Variants in NBEA observed in about 807,000 individuals in gnomAD.
The protein encoded by NBEA is lysosomal-trafficking regulator 2.
A neutral mutation model predicts 343.4 loss-of-function variants in NBEA; 44 were observed. The observed-to-expected ratio is 0.13, with a 90% CI of 0.10 to 0.16. The LOEUF (loss-of-function observed/expected upper bound fraction) is 0.16. Ranked by LOEUF, NBEA falls within the 10% of genes least tolerant of loss-of-function variation. The pLI is 1.00. For synonymous variants in NBEA, 1,175 were observed against 1,238.7 expected (o/e 0.95, Z 1.08); for missense variants, 2,555 against 3,631.3 (o/e 0.70, Z 7.62).
intron 34 of NBEA, among the ~76,000 whole-genome samples, chr13:35,268,328 T>G (rs967084919): frequency 2.6e-5 from 4 of 151,876 alleles, no homozygotes; most frequent in African/African-American, 9.7e-5. Flanking sequence ...GAAAATAGAA[T>G]GGTGGTGGCC....
chr13:35,001,370 C>T (rs912019124), intron 1 of NBEA, among the ~76,000 whole-genome samples: 1 of 152,110 alleles, frequency 6.6e-6, no homozygotes, highest in Non-Finnish European at 1.5e-5. Context: ...TACTTGCACT[C>T]CCATGTTTAT....
intron 38 of NBEA, among the ~76,000 whole-genome samples, chr13:35,406,369 C>A (rs554248848): frequency 7.0e-6 from 1 of 143,436 alleles, no homozygotes; most frequent in East Asian, 2.0e-4. Flanking sequence ...TGAATAAGTT[C>A]TTTAGTGGTG....
chr13:35,245,821 G>A (rs1183188506), intron 34 of NBEA, among the ~76,000 whole-genome samples: 3 of 152,038 alleles, frequency 2.0e-5, no homozygotes, highest in East Asian at 3.9e-4. Context: ...CTTGTATTTG[G>A]ATGTCTAGAT....
intron 34 of NBEA, among the ~76,000 whole-genome samples, chr13:35,254,957 A>G (rs968533974): frequency 6.6e-6 from 1 of 152,124 alleles, no homozygotes; most frequent in Non-Finnish European, 1.5e-5. Context: ...GTATTATATA[A>G]ATAACAATTT....
intron 30 of NBEA, among the ~76,000 whole-genome samples, chr13:35,189,595 A>G (rs772493326): frequency 1.3e-5 from 2 of 152,142 alleles, no homozygotes; most frequent in South Asian, 2.1e-4. Flanking sequence ...AGCAAAATAC[A>G]TATATATGAA....
intron 48 of NBEA, among the ~76,000 whole-genome samples, chr13:35,619,253 G>A (rs564169130): frequency 4.6e-5 from 7 of 152,080 alleles, no homozygotes; most frequent in Non-Finnish European, 1.0e-4. Flanking sequence ...ACACCTGTTA[G>A]CCATGTGTTG....
At chr13:34,986,149 C>T (rs1397346347) in intron 1 of NBEA, among the ~76,000 whole-genome samples, 4 of 150,528 alleles carry the variant, frequency 2.7e-5, no homozygotes, top group African/African-American at 9.7e-5. Context: ...TTAGATGTTT[C>T]CTGCTTTCTC....
At chr13:35,146,136 A>C (rs2068407192) in intron 18 of NBEA, among the ~76,000 whole-genome samples, 1 of 152,150 alleles carries the variant, frequency 6.6e-6, no homozygotes, top group African/African-American at 2.4e-5. Flanking sequence ...GGTATCGAAA[A>C]AACAAGCATT....
chr13:35,141,820 G>A (rs1334289773), intron 17 of NBEA, among the ~76,000 whole-genome samples: 1 of 152,076 alleles, frequency 6.6e-6, no homozygotes, highest in East Asian at 1.9e-4. Flanking sequence ...TTAAGCTAGA[G>A]TATTTATTTT....
At chr13:35,371,938 A>G (rs631616) in intron 38 of NBEA, among the ~76,000 whole-genome samples, 46,004 of 152,058 alleles carry the variant, frequency 0.3, 9,230 homozygotes, top group African/African-American at 0.57. Flanking sequence ...TGGAGGCTGT[A>G]GTAAAGTTTT....
chr13:35,358,940 A>G (rs28378062), intron 38 of NBEA, among the ~76,000 whole-genome samples: 1,661 of 151,814 alleles, frequency 0.011, 30 homozygotes, highest in African/African-American at 0.038. Context: ...TATTACAAAG[A>G]CTCTGGGCTT....
intron 1 of NBEA, among the ~76,000 whole-genome samples, chr13:35,030,053 G>A (rs2062150761): frequency 1.3e-5 from 2 of 151,490 alleles, no homozygotes; most frequent in African/African-American, 4.8e-5. Flanking sequence ...TGTCTCAACT[G>A]GTTTATCCTT....
At chr13:35,074,181 T>C (rs936763396) in intron 10 of NBEA, among the ~76,000 whole-genome samples, 9 of 152,158 alleles carry the variant, frequency 5.9e-5, no homozygotes, top group Non-Finnish European at 1.3e-4. Flanking sequence ...TCTGAAGTAA[T>C]ATAGCTTTCG....
intron 33 of NBEA, among the ~76,000 whole-genome samples, chr13:35,231,893 A>G (rs559929021): frequency 9.9e-5 from 15 of 152,284 alleles, no homozygotes; most frequent in Non-Finnish European, 1.5e-4. Flanking sequence ...TACATGTACC[A>G]AAGTATTTTT....
At chr13:35,044,728 A>G (rs1421477716) in intron 2 of NBEA, among the ~76,000 whole-genome samples, 1 of 151,384 alleles carries the variant, frequency 6.6e-6, no homozygotes, top group Non-Finnish European at 1.5e-5. Context: ...AAATCATGTA[A>G]TTCAAATAAA....
At chr13:35,164,591 A>C in intron 24 of NBEA, 82 bp downstream of exon 24, 1 of 1,413,094 alleles carries the variant, frequency 7.1e-7, no homozygotes, top group East Asian at 2.4e-5. Context: ...GGCTATAAAC[A>C]CATTTTAACC....
intron 41 of NBEA, among the ~76,000 whole-genome samples, chr13:35,495,321 A>G (rs1473165796): frequency 2.0e-5 from 3 of 152,070 alleles, no homozygotes; most frequent in Admixed American, 1.3e-4. Context: ...TAGGGGAGTT[A>G]TAACAATTAT....
intron 1 of NBEA, among the ~76,000 whole-genome samples, chr13:35,025,442 G>T (rs1281984814): frequency 6.6e-6 from 1 of 152,098 alleles, no homozygotes; most frequent in African/African-American, 2.4e-5. Context: ...CTCATTGCTT[G>T]TTAATGTTGA....
At chr13:35,309,624 C>T (rs750735943) in intron 36 of NBEA, 32 bp downstream of exon 36, 24 of 1,330,136 alleles carry the variant, frequency 1.8e-5, no homozygotes, top group South Asian at 5.4e-5. Flanking sequence ...GACAACTAGT[C>T]AGTGTACATT....
Sources: gnomAD v4.1 joint callset for allele counts (sites outside exome capture counted in the v4.1 genomes callset) on GRCh38, gnomAD v4.1.1 for gene constraint, MANE v1.5 for transcripts, NCBI Gene and HGNC (gene_info 2026-07-23, HGNC 2026-07-21) for gene names.